The following GOLIM4 variants were observed in gnomAD, a reference collection of about 807,000 sequenced individuals.
GOLIM4 encodes the protein golgi integral membrane protein 4.
In GOLIM4, 71 loss-of-function variants were observed where a neutral mutation model predicts 107.4. That is an observed-to-expected ratio of 0.66 (90% CI 0.55 to 0.81). The LOEUF (loss-of-function observed/expected upper bound fraction) is 0.81. GOLIM4 is among the 30% of genes least tolerant of loss of function. The pLI, the probability that GOLIM4 is intolerant of heterozygous loss-of-function variation, is 0.00. For synonymous variants in GOLIM4, 327 were observed against 294.8 expected (o/e 1.11, Z -1.12); for missense variants, 830 against 826.1 (o/e 1.00, Z -0.06).
chr3:168,071,526 C>T (rs963385590), intron 1 of GOLIM4, among the ~76,000 whole-genome samples: 5 of 151,528 alleles, frequency 3.3e-5, no homozygotes, highest in African/African-American at 1.2e-4. Flanking sequence ...GAAACTGTCC[C>T]CCACTTTCCC....
chr3:168,047,148 T>C, intron 2 of GOLIM4, 149 bp from the exon 3 acceptor site: 1 of 464,294 alleles, frequency 2.2e-6, no homozygotes, highest in Non-Finnish European at 3.9e-6. Context: ...TTATTTTGGC[T>C]CTCATTGCTT....
intron 1 of GOLIM4, among the ~76,000 whole-genome samples, chr3:168,080,365 A>T (rs139991564): frequency 3.3e-4 from 50 of 152,330 alleles, no homozygotes; most frequent in South Asian, 6.2e-4. Flanking sequence ...AATTAAAATG[A>T]GAGTTGTGTT....
rs77267966 is a variant in GOLIM4 at position 168,054,243 on chromosome 3, G to T, written c.188-5878C>A. ...TCCCACACATTCAAGGCCCAGGCCT[G>T]GGGGGGCAAAACCTCCCAGTGGCTT... On this transcript the variant is annotated intron_variant, in intron 1 of 15. Coordinates refer to ENST00000470487, the MANE Select transcript of GOLIM4 (RefSeq NM_014498.5). Among the ~76,000 whole-genome samples, 19 of 152,196 alleles carry T rather than the reference G, an allele frequency of 1.2e-4. No individual in the cohort carries two copies. In the South Asian group the frequency reaches 3.5e-3, roughly 28 times the overall value.
At chr3:168,011,392 T>C (rs1423721157) in intron 14 of GOLIM4, among the ~76,000 whole-genome samples, 1 of 152,166 alleles carries the variant, frequency 6.6e-6, no homozygotes, top group Non-Finnish European at 1.5e-5. Context: ...TGGAGGGTCC[T>C]ACGCCCACAG....
Position 168,075,383 on chromosome 3 carries a change from G to A in GOLIM4, c.187+19716C>T, listed in dbSNP as rs899972035. Among the ~76,000 whole-genome samples, 50 of 130,968 alleles carry A rather than the reference G, an allele frequency of 3.8e-4. No homozygotes were observed. The East Asian group carries it at 4.2e-3, about 11-fold the overall frequency. The allele number at this position is 130,968 out of a possible 152,430, so 85.9% of individuals were successfully genotyped here. On this transcript the variant is annotated intron_variant, in intron 1 of 15. Transcript: ENST00000470487. ...GGGATCTCGGCTCACTGCAAGCTCC[G>A]CCTCCCGGGTTCACGCCATTCTCCT...
At chr3:168,076,217 A>G (rs1721076817) in intron 1 of GOLIM4, among the ~76,000 whole-genome samples, 1 of 152,208 alleles carries the variant, frequency 6.6e-6, no homozygotes, top group African/African-American at 2.4e-5. Flanking sequence ...CTTAATTTTT[A>G]AATAAAAGAA....
In GOLIM4 at chr3:168,036,999, A is replaced by G. The variant is rs1272814449; in HGVS notation, c.685-5T>C. On this transcript the variant is annotated splice_polypyrimidine_tract_variant and splice_region_variant and intron_variant, in intron 7 of 15. Coordinates refer to ENST00000470487, the MANE Select transcript of GOLIM4 (RefSeq NM_014498.5). Reference sequence around the variant, plus strand: ...TTTATATTCTGCAACTTGAGTCTGCATATAAATTGCACAATTTGAGGAGGG... The same window carrying G: ...TTTATATTCTGCAACTTGAGTCTGCGTATAAATTGCACAATTTGAGGAGGG... The G allele has an allele frequency of 1.4e-6, 2 of 1,433,244 alleles. No individual in the cohort carries two copies. The highest frequency in any genetic ancestry group is 4.6e-5 in the East Asian group (2 of 43,918). The allele number at this position is 1,433,244 out of a possible 1,614,324, so 88.8% of individuals were successfully genotyped here. A position where few individuals can be genotyped will look rare whatever the true frequency, so the allele number is the denominator to read the frequency against.
chr3:168,028,861 T>C (rs1465454781), intron 11 of GOLIM4, among the ~76,000 whole-genome samples: 1 of 152,234 alleles, frequency 6.6e-6, no homozygotes, highest in Non-Finnish European at 1.5e-5. Flanking sequence ...AAAGCTACTA[T>C]TGACTTAATT....
chr3:168,021,917 C>G (rs1484785178), intron 14 of GOLIM4, among the ~76,000 whole-genome samples: 12 of 152,118 alleles, frequency 7.9e-5, no homozygotes, highest in Non-Finnish European at 1.8e-4. Flanking sequence ...TTACACGGCA[C>G]TTTTTGGCAA....
chr3:168,050,400 G>A (rs562758343), intron 1 of GOLIM4, among the ~76,000 whole-genome samples: 1 of 152,252 alleles, frequency 6.6e-6, no homozygotes, highest in African/African-American at 2.4e-5. Flanking sequence ...AATAAAGAAA[G>A]GAAAGTGTAA....
At chr3:168,017,277 C>T (rs892329421) in intron 14 of GOLIM4, among the ~76,000 whole-genome samples, 1 of 151,902 alleles carries the variant, frequency 6.6e-6, no homozygotes, top group African/African-American at 2.4e-5. Flanking sequence ...CACTTGAGCC[C>T]AGGAATTTGA....
chr3:168,045,694 G>A (rs1719259884), intron 3 of GOLIM4, among the ~76,000 whole-genome samples: 1 of 152,068 alleles, frequency 6.6e-6, no homozygotes, highest in Non-Finnish European at 1.5e-5. Flanking sequence ...GCCAGCACAA[G>A]TATACACTCA....
At position 168,029,328 on chromosome 3, in the gene GOLIM4, T is replaced by C. The variant is rs376695138; in HGVS notation, c.1434-26A>G. The C allele has an allele frequency of 2.9e-5, 42 of 1,458,424 alleles. No homozygotes were observed. The African/African-American group carries it at 5.7e-4, about 20-fold the overall frequency. The allele number at this position is 1,458,424 out of a possible 1,614,324, so 90.3% of individuals were successfully genotyped here. ...CTACAAGAGACACAAACATGATAAATCCAGTGGGACAAAATTCAGAGGCAC... is the reference window on the plus strand; with the variant it reads ...CTACAAGAGACACAAACATGATAAACCCAGTGGGACAAAATTCAGAGGCAC... On this transcript the variant is annotated intron_variant, in intron 10 of 15. Transcript: ENST00000470487.
chr3:168,078,442 TGA>T (rs1721178504), intron 1 of GOLIM4, among the ~76,000 whole-genome samples: 2 of 152,186 alleles, frequency 1.3e-5, no homozygotes, highest in South Asian at 2.1e-4. Context: ...TTGCTGAATA[TGA>T]GTCACTATAT....
intron 1 of GOLIM4, among the ~76,000 whole-genome samples, chr3:168,053,778 A>C (rs1197529091): frequency 6.6e-6 from 1 of 152,218 alleles, no homozygotes; most frequent in Non-Finnish European, 1.5e-5. Context: ...TGATGGGTCA[A>C]CACAAAGTCA....
intron 14 of GOLIM4, among the ~76,000 whole-genome samples, chr3:168,019,408 T>C (rs937787625): frequency 4.6e-5 from 7 of 152,202 alleles, no homozygotes; most frequent in Non-Finnish European, 1.0e-4. Flanking sequence ...ACTTATATAA[T>C]CATACTGTGA....
In GOLIM4 at chr3:168,024,975, G is replaced by A; in HGVS notation, c.1744C>T (p.Gln582Ter). Reference protein sequence around the residue: ...NLPDENEEQKQSNQKQENTEV... With the variant: ...NLPDENEEQK ...GTATTCTCTTGCTTTTGATTACTTTGTTTTTGCTCTTCATTTTCATCTGGC... is the reference window on the plus strand; with the variant it reads ...GTATTCTCTTGCTTTTGATTACTTTATTTTTGCTCTTCATTTTCATCTGGC... The change falls in exon 13 of 16, where the codon CAA becomes TAA. Residue 582 changes from glutamine to a stop codon, truncating the protein, a stop_gained. Coordinates refer to ENST00000470487, the MANE Select transcript of GOLIM4 (RefSeq NM_014498.5). LOFTEE classifies it high-confidence loss of function. 1 of 1,613,910 alleles carries A rather than the reference G, an allele frequency of 6.2e-7. No homozygotes were observed. The highest frequency in any genetic ancestry group is 8.5e-7 in the Non-Finnish European group (1 of 1,179,906).
intron 14 of GOLIM4, among the ~76,000 whole-genome samples, chr3:168,015,441 A>G (rs1477117603): frequency 7.4e-6 from 1 of 135,094 alleles, no homozygotes; most frequent in Non-Finnish European, 1.5e-5. Flanking sequence ...GGAAGAATCA[A>G]TATCATGAAA....
At chr3:168,027,244 A>G (rs962391428) in intron 12 of GOLIM4, among the ~76,000 whole-genome samples, 11 of 152,174 alleles carry the variant, frequency 7.2e-5, no homozygotes, top group Non-Finnish European at 1.3e-4. Flanking sequence ...CCTTATCCAT[A>G]TATTTATTAA....
Sources: allele counts gnomAD v4.1 joint callset (sites outside exome capture counted in the v4.1 genomes callset), GRCh38; gene constraint gnomAD v4.1.1; transcripts MANE v1.5; gene names NCBI Gene and HGNC (gene_info 2026-07-23, HGNC 2026-07-21).